ANO4: variants seen among roughly 807,000 people sequenced by gnomAD.
The protein encoded by ANO4 is anoctamin 4, also known as anoctamin-4.
A neutral mutation model predicts 141.9 loss-of-function variants in ANO4; 69 were observed. The observed-to-expected ratio is 0.49, with a 90% CI of 0.40 to 0.59. ANO4 has a LOEUF of 0.59. Ranked by LOEUF, ANO4 falls within the 20% of genes least tolerant of loss-of-function variation. ANO4 has a pLI of 0.00. For missense variants in ANO4, 894 were observed against 1,162.2 expected, an observed-to-expected ratio of 0.77 and a Z score of 3.36; for synonymous variants, 350 against 394.3, an observed-to-expected ratio of 0.89 and a Z score of 1.33.
chr12:101,012,994 A>C (rs576872196), intron 8 of ANO4, among the ~76,000 whole-genome samples: 2 of 152,190 alleles, frequency 1.3e-5, no homozygotes, highest in East Asian at 3.9e-4. Flanking sequence ...GTACATCTGG[A>C]GAAAAGGGAA....
At chr12:100,970,265 G>C in intron 5 of ANO4, among the ~76,000 whole-genome samples, 1 of 152,128 alleles carries the variant, frequency 6.6e-6, no homozygotes, top group Admixed American at 6.6e-5. Context: ...AGTGACCTTT[G>C]ACAACCTAAA....
chr12:101,079,320 A>G (rs745374457), intron 15 of ANO4, 45 bp downstream of exon 15: 10 of 1,507,648 alleles, frequency 6.6e-6, no homozygotes, highest in African/African-American at 3.1e-5. Context: ...CAAATCACCC[A>G]GAACCACACG....
At chr12:100,744,130 A>G (rs1468853815) in intron 3 of ANO4, among the ~76,000 whole-genome samples, 1 of 152,196 alleles carries the variant, frequency 6.6e-6, no homozygotes, top group Non-Finnish European at 1.5e-5. Context: ...GTGTATTTAT[A>G]AGTGCCTACT....
At chr12:101,005,499 T>C (rs1008760837) in intron 8 of ANO4, among the ~76,000 whole-genome samples, 2 of 152,212 alleles carry the variant, frequency 1.3e-5, no homozygotes, top group Non-Finnish European at 1.5e-5. Context: ...TAAGGATTAA[T>C]GGTTGAGCTC....
intron 1 of ANO4, among the ~76,000 whole-genome samples, chr12:100,719,438 T>A (rs2030760834): frequency 6.6e-6 from 1 of 152,188 alleles, no homozygotes; most frequent in Admixed American, 6.5e-5. Context: ...TGATGAGAGC[T>A]TGGTCCAGCC....
chr12:101,001,838 G>A (rs954990165), intron 8 of ANO4, among the ~76,000 whole-genome samples: 2 of 152,124 alleles, frequency 1.3e-5, no homozygotes, highest in African/African-American at 4.8e-5. Flanking sequence ...TGTGAAGATG[G>A]TAGTTTATTC....
intron 1 of ANO4, chr12:100,852,353 T>C (rs2037921533): frequency 6.6e-6 from 1 of 152,232 alleles, no homozygotes; most frequent in African/African-American, 2.4e-5. Flanking sequence ...GGGCTTTATT[T>C]TTCTCTCATC....
At chr12:100,805,374 C>T (rs552811113) in intron 1 of ANO4, among the ~76,000 whole-genome samples, 1 of 152,230 alleles carries the variant, frequency 6.6e-6, no homozygotes, top group African/African-American at 2.4e-5. Flanking sequence ...AGTTTGAAGT[C>T]CGGTAGTGTG....
chr12:100,847,342 A>T (rs528022892), intron 1 of ANO4, among the ~76,000 whole-genome samples: 1 of 152,150 alleles, frequency 6.6e-6, no homozygotes, highest in Non-Finnish European at 1.5e-5. Context: ...ACTCATCTAT[A>T]TTGAAGGCTG....
At chr12:101,007,762 C>A (rs1031832560) in intron 8 of ANO4, among the ~76,000 whole-genome samples, 1 of 152,106 alleles carries the variant, frequency 6.6e-6, no homozygotes, top group Non-Finnish European at 1.5e-5. Flanking sequence ...CTCTGTCACA[C>A]GGGCTGGAGC....
intron 1 of ANO4, among the ~76,000 whole-genome samples, chr12:100,820,779 A>G (rs2036006655): frequency 6.6e-6 from 1 of 152,050 alleles, no homozygotes; most frequent in Non-Finnish European, 1.5e-5. Context: ...CTGGGTTGCA[A>G]TGTTAATCAT....
At chr12:101,056,433 A>G (rs2048120097) in intron 14 of ANO4, among the ~76,000 whole-genome samples, 1 of 152,178 alleles carries the variant, frequency 6.6e-6, no homozygotes, top group South Asian at 2.1e-4. Context: ...TAACTTTTGT[A>G]TATTGACCAT....
rs373681887 is a variant in ANO4, at chr12:101,037,067, A to G, written c.842-28A>G. ...TTGTGAGTATTCAAACTCTGTATTA[A>G]TTCAAATGGACTTATTTGCTGTTTT... is the stretch of plus-strand genomic sequence containing the variant. On this transcript the variant is annotated intron_variant, in intron 9 of 27. Transcript: ENST00000392977. 3 of 1,610,218 alleles carry G rather than the reference A, an allele frequency of 1.9e-6. No individual in the cohort carries two copies. The African/African-American group carries it at 4.0e-5, about 21-fold the overall frequency.
chr12:100,805,472 T>C (rs1457993292), intron 1 of ANO4, among the ~76,000 whole-genome samples: 1 of 152,236 alleles, frequency 6.6e-6, no homozygotes, highest in Non-Finnish European at 1.5e-5. Flanking sequence ...AAATAGTTTT[T>C]TCTAATTTTG....
At chr12:101,020,012 T>C (rs2046459322) in intron 8 of ANO4, 22 bp from the exon 9 acceptor site, 2 of 1,574,688 alleles carry the variant, frequency 1.3e-6, no homozygotes, top group African/African-American at 2.7e-5. Flanking sequence ...TCTCAACTTG[T>C]ATTTTTAATA....
At chr12:100,820,495 G>A (rs2035991927) in intron 1 of ANO4, among the ~76,000 whole-genome samples, 1 of 151,958 alleles carries the variant, frequency 6.6e-6, no homozygotes, top group Non-Finnish European at 1.5e-5. Flanking sequence ...ACTGTCTCAA[G>A]GAAAGCCAAA....
At chr12:100,967,800 T>G (rs2043745751) in intron 5 of ANO4, among the ~76,000 whole-genome samples, 1 of 152,234 alleles carries the variant, frequency 6.6e-6, no homozygotes, top group African/African-American at 2.4e-5. Flanking sequence ...TAAGATGAAT[T>G]TGTATAAACT....
At chr12:100,720,733 G>C (rs71464236) in intron 1 of ANO4, among the ~76,000 whole-genome samples, 2 of 152,164 alleles carry the variant, frequency 1.3e-5, no homozygotes, top group African/African-American at 4.8e-5. Context: ...CTCGTAGTGG[G>C]AGACCTGTAA....
chr12:100,838,979 C>T (rs993122106), intron 1 of ANO4, among the ~76,000 whole-genome samples: 1 of 152,088 alleles, frequency 6.6e-6, no homozygotes, highest in Admixed American at 6.6e-5. Context: ...AGCAGGTTCC[C>T]TATCTTGCCT....
Sources: gnomAD v4.1 joint callset for allele counts (sites outside exome capture counted in the v4.1 genomes callset) on GRCh38, gnomAD v4.1.1 for gene constraint, MANE v1.5 for transcripts, NCBI Gene and HGNC (gene_info 2026-07-23, HGNC 2026-07-21) for gene names.